MKRN1: variants seen among roughly 807,000 people sequenced by gnomAD.
MKRN1 encodes makorin ring finger protein 1, also known as E3 ubiquitin-protein ligase makorin-1.
In MKRN1, 9 loss-of-function variants were observed where a neutral mutation model predicts 55.5. The observed-to-expected ratio is 0.16, with a 90% confidence interval of 0.10 to 0.28. The LOEUF (loss-of-function observed/expected upper bound fraction) is 0.28, where lower values mean the gene tolerates loss of function less well. Among genes scored for constraint, MKRN1 ranks in the 10% least tolerant of loss-of-function variants. The pLI is 1.00. For missense variants in MKRN1, 488 were observed against 626.7 expected (o/e 0.78, Z 2.36); for synonymous variants, 253 against 235.9 (o/e 1.07, Z -0.66).
In MKRN1 at chr7:140,454,355, G is replaced by T. The variant is rs1794407659; in HGVS notation, c.*162C>A. The stretch of plus-strand genomic sequence containing the variant: ...CAGGGAAAACAACACACTCCTCAGG[G>T]AAAGGTGAGGGGTTGAGAAGACAGG... On this transcript the variant is annotated 3_prime_UTR_variant, in exon 8 of 8. Transcript: ENST00000255977. 4 of 645,204 alleles carry T rather than the reference G, an allele frequency of 6.2e-6. No homozygotes were observed. The highest frequency in any genetic ancestry group is 1.1e-5 in the Non-Finnish European group (4 of 367,634). The allele number at this position is 645,204 out of a possible 1,614,324, so 40.0% of individuals were successfully genotyped here.
At chr7:140,461,913 G>A (rs555252548) in intron 2 of MKRN1, among the ~76,000 whole-genome samples, 51 of 152,306 alleles carry the variant, frequency 3.3e-4, no homozygotes, top group African/African-American at 1.2e-3. Flanking sequence ...AACCTGGGAG[G>A]CGGAGGTTGC....
At chr7:140,456,953 A>G (rs1281989370) in intron 4 of MKRN1, 87 bp from the exon 5 acceptor site, 16 of 1,301,056 alleles carry the variant, frequency 1.2e-5, no homozygotes, top group Non-Finnish European at 2.1e-6. Flanking sequence ...CAGTCAAAGA[A>G]TCAAATAGTC....
chr7:140,453,612 T>C lies in MKRN1; in HGVS notation c.*905A>G, dbSNP rs1366052293. On this transcript the variant is annotated 3_prime_UTR_variant, in exon 8 of 8. Coordinates refer to ENST00000255977, the MANE Select transcript of MKRN1 (RefSeq NM_013446.4). The stretch of plus-strand genomic sequence containing the variant: ...GATAACCAGGTAGTTTTAACCTCTA[T>C]GGCTAACCCCATTTCTCTATTTATA... The C allele has an allele frequency of 2.6e-5, 4 of 152,396 alleles. No homozygotes were observed. The highest frequency in any genetic ancestry group is 5.9e-5 in the Non-Finnish European group (4 of 68,042). The allele number at this position is 152,396 out of a possible 1,614,324, so 9.4% of individuals were successfully genotyped here.
chr7:140,479,095 C>G (rs1585506582), intron 1 of MKRN1, 65 bp downstream of exon 1: 2 of 1,260,306 alleles, frequency 1.6e-6, no homozygotes, highest in East Asian at 3.3e-5. Flanking sequence ...CTCCTCCCTC[C>G]CGCGCCGCAG....
chr7:140,454,956 GGTTT>G, intron 7 of MKRN1, 135 bp downstream of exon 7: 1 of 1,277,650 alleles, frequency 7.8e-7, no homozygotes, highest in Admixed American at 2.3e-5. Context: ...AGTTTTCTGA[GGTTT>G]GTTTCCTCCT....
intron 1 of MKRN1, among the ~76,000 whole-genome samples, chr7:140,477,098 C>CAA (rs35476052): frequency 0.076 from 6,343 of 83,378 alleles, 456 homozygotes; most frequent in African/African-American, 0.18. Context: ...AACTCTGTCT[C>CAA]AAAAAAAAAA....
At chr7:140,470,080 G>T (rs949898110) in intron 2 of MKRN1, among the ~76,000 whole-genome samples, 1 of 150,412 alleles carries the variant, frequency 6.6e-6, no homozygotes, top group Non-Finnish European at 1.5e-5. Context: ...AATTAGCCAG[G>T]TGTGGTGGTG....
At chr7:140,464,640 G>A (rs2130296865) in intron 2 of MKRN1, among the ~76,000 whole-genome samples, 1 of 152,110 alleles carries the variant, frequency 6.6e-6, no homozygotes, top group East Asian at 1.9e-4. Context: ...GGGAGGCGGA[G>A]GTTGCAGTGA....
chr7:140,474,143 C>G (rs1585497055), intron 1 of MKRN1, among the ~76,000 whole-genome samples: 1 of 151,198 alleles, frequency 6.6e-6, no homozygotes, highest in African/African-American at 2.4e-5. Flanking sequence ...AGGTGGATCA[C>G]CTGAGGTCAG....
chr7:140,455,377 T>C (rs1794438400), intron 6 of MKRN1, 144 bp from the exon 7 acceptor site: 3 of 984,272 alleles, frequency 3.0e-6, no homozygotes. Context: ...TATAAACATG[T>C]GTGTGCCAAT....
intron 1 of MKRN1, among the ~76,000 whole-genome samples, chr7:140,475,975 T>C (rs1795104610): frequency 6.6e-6 from 1 of 152,026 alleles, no homozygotes; most frequent in South Asian, 2.1e-4. Context: ...TGAGGAAAGG[T>C]ATAAAACACA....
chr7:140,476,047 G>T (rs187977189), intron 1 of MKRN1, among the ~76,000 whole-genome samples: 5 of 152,100 alleles, frequency 3.3e-5, no homozygotes, highest in African/African-American at 1.2e-4. Context: ...AGGTGATTCC[G>T]AGCAATTAAA....
At chr7:140,464,975 C>T (rs1411966376) in intron 2 of MKRN1, among the ~76,000 whole-genome samples, 2 of 152,104 alleles carry the variant, frequency 1.3e-5, no homozygotes, top group African/African-American at 2.4e-5. Context: ...TTTGTAGGTA[C>T]GTAGTTTTGC....
At chr7:140,455,583 T>C (rs772444845) in intron 6 of MKRN1, 27 of 579,974 alleles carry the variant, frequency 4.7e-5, no homozygotes, top group Non-Finnish European at 7.9e-5. Flanking sequence ...GAGACCTCTT[T>C]ATAACACAGT....
chr7:140,466,855 G>T (rs1436284493), intron 2 of MKRN1, among the ~76,000 whole-genome samples: 2 of 151,354 alleles, frequency 1.3e-5, no homozygotes, highest in Non-Finnish European at 2.9e-5. Flanking sequence ...CTTAGCTGGA[G>T]GTGGTGGTTG....
chr7:140,479,479 C>T lies in MKRN1; in HGVS notation c.-135G>A. On this transcript the variant is annotated 5_prime_UTR_variant, in exon 1 of 8. Transcript: ENST00000255977. ...GAGGCACCCGTTCGGTCCCCGCCTG[C>T]TACGCGTCGCGTATCTGAGCGCTCT... The T allele has an allele frequency of 1.1e-6, 1 of 928,636 alleles. No individual in the cohort carries two copies. The highest frequency in any genetic ancestry group is 1.4e-6 in the Non-Finnish European group (1 of 706,508). 57.5% of individuals were successfully genotyped at this position (928,636 alleles called of 1,614,324 possible).
intron 1 of MKRN1, chr7:140,478,291 T>C (rs1416056703): frequency 1.3e-5 from 2 of 152,216 alleles, no homozygotes; most frequent in Non-Finnish European, 2.9e-5. Context: ...TAGAGCTAGG[T>C]AGTTTTTTAC....
rs574297085 is a variant in MKRN1 at position 140,475,574 on chromosome 7, G to A, written c.186-3563C>T. The stretch of plus-strand genomic sequence containing the variant: ...AGCTACTGGGGAGGTTCAAGCAGGA[G>A]GATTGCTTGAGCCTGGGAGGTGGAG... On this transcript the variant is annotated intron_variant, in intron 1 of 7. Coordinates refer to ENST00000255977, the MANE Select transcript of MKRN1 (RefSeq NM_013446.4). Among the ~76,000 whole-genome samples, 4 of 152,224 alleles carry A rather than the reference G, an allele frequency of 2.6e-5. No homozygotes were observed. The South Asian group carries it at 8.3e-4, about 32-fold the overall frequency.
At chr7:140,455,612 A>C in intron 6 of MKRN1, 178 bp downstream of exon 6, 1 of 595,500 alleles carries the variant, frequency 1.7e-6, no homozygotes, top group Non-Finnish European at 3.0e-6. Flanking sequence ...ATGGACCCCA[A>C]GGACTGTGTT....
Sources: allele counts gnomAD v4.1 joint callset (sites outside exome capture counted in the v4.1 genomes callset), GRCh38; gene constraint gnomAD v4.1.1; transcripts MANE v1.5; gene names NCBI Gene and HGNC (gene_info 2026-07-23, HGNC 2026-07-21).